The following HECW1 variants were observed in gnomAD, a reference collection of about 807,000 sequenced individuals.
HECW1 encodes the protein HECT, C2 and WW domain containing E3 ubiquitin protein ligase 1.
A neutral mutation model predicts 182.3 loss-of-function variants in HECW1; 61 were observed. The observed-to-expected ratio is 0.33, with a 90% confidence interval of 0.27 to 0.41. HECW1 has a LOEUF of 0.41. HECW1 is among the 10% of genes least tolerant of loss of function. The pLI is 1.00. For synonymous variants in HECW1, 859 were observed against 832.6 expected (o/e 1.03, Z -0.55); for missense variants, 1,739 against 2,108.9 (o/e 0.82, Z 3.44).
chr7:43,374,042 A>G (rs1176992915), intron 6 of HECW1, among the ~76,000 whole-genome samples: 1 of 152,200 alleles, frequency 6.6e-6, no homozygotes, highest in African/African-American at 2.4e-5. Context: ...ATTCCTCTGT[A>G]GGAGGATCCA....
At chr7:43,368,515 TCAGGTGGA>T (rs1359696237) in intron 6 of HECW1, among the ~76,000 whole-genome samples, 1 of 152,212 alleles carries the variant, frequency 6.6e-6, no homozygotes, top group East Asian at 1.9e-4. Flanking sequence ...GGGCAAGGCA[TCAGGTGGA>T]CTTGCCCTTC....
At chr7:43,257,537 A>G (rs1269992617) in intron 3 of HECW1, among the ~76,000 whole-genome samples, 1 of 152,162 alleles carries the variant, frequency 6.6e-6, no homozygotes, top group Admixed American at 6.5e-5. Flanking sequence ...GAGGGGTAGC[A>G]GCAAACCTCC....
At chr7:43,553,305 G>A (rs562926982) in intron 28 of HECW1, among the ~76,000 whole-genome samples, 46 of 152,184 alleles carry the variant, frequency 3.0e-4, no homozygotes, top group African/African-American at 1.1e-3. Context: ...TGGGGGCATC[G>A]CCTCAGCCTC....
intron 2 of HECW1, among the ~76,000 whole-genome samples, chr7:43,149,490 A>T (rs1789066583): frequency 6.6e-6 from 1 of 152,244 alleles, no homozygotes; most frequent in African/African-American, 2.4e-5. Flanking sequence ...GCAAGGAGAC[A>T]TAACAGTATA....
At chr7:43,438,398 A>T in intron 9 of HECW1, 1 of 296,856 alleles carries the variant, frequency 3.4e-6, no homozygotes. Context: ...TATTAAAAAT[A>T]TTAAACAGTA....
rs568660232 is a variant in HECW1, at chr7:43,228,365, A to G, written c.-31-15510A>G. ...AGCAGCTTGATATTTTAGAATTCAC[A>G]GAGCTCATATACTTAAGTAAAAAAT... On this transcript the variant is annotated intron_variant, in intron 2 of 29. Transcript: ENST00000395891. Among the ~76,000 whole-genome samples, 391 of 152,186 alleles carry G rather than the reference A, an allele frequency of 2.6e-3. 5 individuals carry two copies. The highest frequency in any genetic ancestry group is 2.3e-3 in the Non-Finnish European group (156 of 67,986).
intron 2 of HECW1, among the ~76,000 whole-genome samples, chr7:43,131,132 G>T (rs1786869823): frequency 6.6e-6 from 1 of 152,138 alleles, no homozygotes; most frequent in Non-Finnish European, 1.5e-5. Flanking sequence ...TGGGCGTGGT[G>T]GCACACGCGT....
intron 5 of HECW1, among the ~76,000 whole-genome samples, chr7:43,331,134 A>G (rs1281938545): frequency 2.3e-5 from 3 of 133,234 alleles, no homozygotes; most frequent in Non-Finnish European, 4.8e-5. Context: ...ATCCCTCCCC[A>G]CTCCCCCCAC....
intron 4 of HECW1, among the ~76,000 whole-genome samples, chr7:43,319,099 A>T (rs1342707735): frequency 1.3e-5 from 2 of 152,184 alleles, no homozygotes; most frequent in Non-Finnish European, 2.9e-5. Context: ...TTTTAAAGAG[A>T]ACATCGGGCC....
chr7:43,343,192 T>G (rs73322388), intron 5 of HECW1, among the ~76,000 whole-genome samples: 1 of 151,652 alleles, frequency 6.6e-6, no homozygotes, highest in Non-Finnish European at 1.5e-5. Context: ...TTGTAACACC[T>G]GAGTAGCTAA....
intron 3 of HECW1, among the ~76,000 whole-genome samples, chr7:43,289,989 G>C (rs148502989): frequency 2.6e-5 from 4 of 152,200 alleles, no homozygotes; most frequent in Non-Finnish European, 5.9e-5. Context: ...AGGATAAAGC[G>C]GGTTGTGGAG....
At chr7:43,441,975 C>T (rs764536628) in intron 9 of HECW1, among the ~76,000 whole-genome samples, 3 of 152,182 alleles carry the variant, frequency 2.0e-5, no homozygotes, top group Non-Finnish European at 2.9e-5. Context: ...CAGCAGAAAC[C>T]ATACATCGAA....
intron 6 of HECW1, 62 bp from the exon 7 acceptor site, chr7:43,396,752 G>T: frequency 9.4e-7 from 1 of 1,066,390 alleles, no homozygotes; most frequent in Non-Finnish European, 1.5e-6. Flanking sequence ...TGCTTGTGTT[G>T]AAGTGTGAAT....
chr7:43,481,380 C>T (rs971160980), intron 17 of HECW1, among the ~76,000 whole-genome samples: 1 of 152,202 alleles, frequency 6.6e-6, no homozygotes, highest in East Asian at 1.9e-4. Context: ...CATAGGGTAA[C>T]TACATGTGAT....
intron 6 of HECW1, among the ~76,000 whole-genome samples, chr7:43,370,991 G>C (rs2109811): frequency 0.64 from 96,101 of 151,172 alleles, 30,877 homozygotes; most frequent in African/African-American, 0.72. Flanking sequence ...GGGTTCTCGC[G>C]ATTCTACTGC....
chr7:43,384,782 T>A lies in HECW1; in HGVS notation c.556-12032T>A, dbSNP rs2074702001. 2.0e-5 allele frequency among the ~76,000 whole-genome samples: 3 copies of A among 152,272 alleles called. No individual in the cohort carries two copies. In the South Asian group the frequency reaches 6.2e-4, roughly 32 times the overall value. On this transcript the variant is annotated intron_variant, in intron 6 of 29. Coordinates refer to ENST00000395891, the MANE Select transcript of HECW1 (RefSeq NM_015052.5). The stretch of plus-strand genomic sequence containing the variant: ...TATTCCGTGAGAGGGAGTGGGTGGC[T>A]GGAAAGAGCTCTATGCAAAATGCAG...
chr7:43,554,544 C>T, intron 28 of HECW1, 48 bp from the exon 29 acceptor site: 1 of 1,521,102 alleles, frequency 6.6e-7, no homozygotes, highest in Non-Finnish European at 9.0e-7. Flanking sequence ...CTCACCCCTT[C>T]CTCTTTTCTC....
At chr7:43,466,665 T>A in intron 15 of HECW1, 97 bp downstream of exon 15, 1 of 1,355,742 alleles carries the variant, frequency 7.4e-7, no homozygotes, top group Non-Finnish European at 9.9e-7. Flanking sequence ...GGTAGAATTT[T>A]AACATAAGCA....
At chr7:43,250,070 G>C (rs144315147) in intron 3 of HECW1, among the ~76,000 whole-genome samples, 1 of 151,070 alleles carries the variant, frequency 6.6e-6, no homozygotes, top group Non-Finnish European at 1.5e-5. Flanking sequence ...TATACGCCAC[G>C]GATGGATGTG....
Sources: allele counts gnomAD v4.1 joint callset (sites outside exome capture counted in the v4.1 genomes callset), GRCh38; gene constraint gnomAD v4.1.1; transcripts MANE v1.5; gene names NCBI Gene and HGNC (gene_info 2026-07-23, HGNC 2026-07-21).